Variants in DLGAP2 observed in about 807,000 individuals in gnomAD.
The protein encoded by DLGAP2 is disks large-associated protein 2.
In DLGAP2, 26 loss-of-function variants were observed where a neutral mutation model predicts 100.3. The observed-to-expected ratio is 0.26, with a 90% CI of 0.19 to 0.36. The LOEUF is 0.36. Among genes scored for constraint, DLGAP2 ranks in the 10% least tolerant of loss-of-function variants. The pLI, the probability that DLGAP2 is intolerant of heterozygous loss-of-function variation, is 1.00. For missense variants in DLGAP2, 1,858 were observed against 1,453.2 expected, an observed-to-expected ratio of 1.28 and a Z score of -4.53; for synonymous variants, 886 against 630.1, an observed-to-expected ratio of 1.41 and a Z score of -6.08.
chr8:1,294,512 T>A (rs1800127390), intron 3 of DLGAP2, among the ~76,000 whole-genome samples: 1 of 152,186 alleles, frequency 6.6e-6, no homozygotes, highest in Admixed American at 6.5e-5. Flanking sequence ...GAGGTGCATT[T>A]CTCTCCTGCG....
chr8:1,320,616 A>G lies in DLGAP2; in HGVS notation c.106+61733A>G, dbSNP rs146226545. 7.2e-3 allele frequency among the ~76,000 whole-genome samples: 1,098 copies of G among 152,218 alleles called. 6 individuals are homozygous for G. The highest frequency in any genetic ancestry group is 0.044 in the Middle Eastern group (13 of 294). On this transcript the variant is annotated intron_variant, in intron 3 of 14. Coordinates refer to ENST00000637795, the MANE Select transcript of DLGAP2 (RefSeq NM_001346810.2). The stretch of plus-strand genomic sequence containing the variant: ...TCTCTCAACTTCTCGAACATATTCT[A>G]AGTTCTGGTCATATGGGACTAATTG...
chr8:1,326,854 A>G (rs1185000714), intron 3 of DLGAP2, among the ~76,000 whole-genome samples: 1 of 152,218 alleles, frequency 6.6e-6, no homozygotes, highest in Non-Finnish European at 1.5e-5. Context: ...TTGGTGTTGT[A>G]GTATATGTTG....
intron 2 of DLGAP2, among the ~76,000 whole-genome samples, chr8:912,386 G>A (rs1162347819): frequency 1.3e-5 from 2 of 152,174 alleles, no homozygotes; most frequent in Non-Finnish European, 2.9e-5. Flanking sequence ...ATACGTAATG[G>A]AAACTCCTGA....
intron 2 of DLGAP2, among the ~76,000 whole-genome samples, chr8:1,237,682 ATGG>A: frequency 8.4e-6 from 1 of 118,532 alleles, no homozygotes; most frequent in East Asian, 2.9e-4. Flanking sequence ...TCTCTCTCAC[ATGG>A]CACCGTGTCT....
chr8:1,411,997 G>A (rs1796744033), intron 3 of DLGAP2, among the ~76,000 whole-genome samples: 2 of 152,318 alleles, frequency 1.3e-5, no homozygotes, highest in South Asian at 4.1e-4. Context: ...GGCTCTGGAA[G>A]ACACAGATGC....
At chr8:1,174,150 T>C (rs1797198218) in intron 2 of DLGAP2, among the ~76,000 whole-genome samples, 1 of 152,046 alleles carries the variant, frequency 6.6e-6, no homozygotes, top group Non-Finnish European at 1.5e-5. Flanking sequence ...TGGAACTGGG[T>C]ATTGAAGGGT....
intron 3 of DLGAP2, among the ~76,000 whole-genome samples, chr8:1,354,284 T>C (rs1208820061): frequency 6.6e-6 from 1 of 152,158 alleles, no homozygotes; most frequent in East Asian, 1.9e-4. Flanking sequence ...GACGGGTGGA[T>C]TGCCTGAGGC....
intron 1 of DLGAP2, among the ~76,000 whole-genome samples, chr8:805,065 C>T (rs1353270058): frequency 6.6e-6 from 1 of 152,236 alleles, no homozygotes; most frequent in Non-Finnish European, 1.5e-5. Context: ...GCTACTGCTC[C>T]TGGCCTCTGC....
intron 3 of DLGAP2, among the ~76,000 whole-genome samples, chr8:1,342,888 C>T (rs1256015043): frequency 3.3e-5 from 5 of 152,198 alleles, no homozygotes; most frequent in Admixed American, 1.3e-4. Flanking sequence ...TTCTAAACTG[C>T]TTTCTGCCGT....
At chr8:1,664,457 C>G (rs920186276) in intron 8 of DLGAP2, among the ~76,000 whole-genome samples, 5 of 152,284 alleles carry the variant, frequency 3.3e-5, no homozygotes, top group Admixed American at 3.3e-4. Context: ...TCAGGACGGC[C>G]TTTTCAGTGT....
At chr8:1,654,100 C>G (rs944012715) in intron 8 of DLGAP2, among the ~76,000 whole-genome samples, 1 of 152,160 alleles carries the variant, frequency 6.6e-6, no homozygotes, top group Non-Finnish European at 1.5e-5. Context: ...AATTAGCCCT[C>G]CCTTGAAATC....
intron 1 of DLGAP2, among the ~76,000 whole-genome samples, chr8:779,997 T>A (rs904933366): frequency 3.3e-5 from 5 of 152,212 alleles, no homozygotes; most frequent in Admixed American, 2.6e-4. Flanking sequence ...ACTTACCATT[T>A]TTTCTTTTTA....
chr8:1,275,933 TATAA>T (rs1164772546), intron 3 of DLGAP2, among the ~76,000 whole-genome samples: 19 of 126,658 alleles, frequency 1.5e-4, no homozygotes, highest in Non-Finnish European at 2.7e-4. Flanking sequence ...ATATATAGTA[TATAA>T]ATATATATAA....
intron 4 of DLGAP2, among the ~76,000 whole-genome samples, chr8:1,542,767 A>G (rs1328034342): frequency 6.6e-6 from 1 of 152,140 alleles, no homozygotes; most frequent in African/African-American, 2.4e-5. Flanking sequence ...GAGTAGACTC[A>G]CTGGGGCTTT....
At chr8:928,290 G>A (rs1048403333) in intron 2 of DLGAP2, among the ~76,000 whole-genome samples, 3 of 152,168 alleles carry the variant, frequency 2.0e-5, no homozygotes, top group Non-Finnish European at 4.4e-5. Flanking sequence ...TACCGAGGTT[G>A]AGTGTGTGTT....
intron 2 of DLGAP2, among the ~76,000 whole-genome samples, chr8:1,139,451 T>C (rs922929921): frequency 6.6e-6 from 1 of 152,202 alleles, no homozygotes; most frequent in Non-Finnish European, 1.5e-5. Context: ...GGCTCACAGA[T>C]AACACCCTCT....
chr8:1,304,401 G>A (rs1224738323), intron 3 of DLGAP2, among the ~76,000 whole-genome samples: 3 of 152,210 alleles, frequency 2.0e-5, no homozygotes, highest in African/African-American at 7.2e-5. Flanking sequence ...CAGGTTTCAC[G>A]TATGCAGAAA....
At chr8:1,420,139 C>T (rs1200737306) in intron 3 of DLGAP2, among the ~76,000 whole-genome samples, 1 of 152,152 alleles carries the variant, frequency 6.6e-6, no homozygotes, top group Non-Finnish European at 1.5e-5. Flanking sequence ...GCTGGAAGTT[C>T]CAATCCTCTA....
At chr8:1,572,432 T>C (rs1243927228) in intron 6 of DLGAP2, among the ~76,000 whole-genome samples, 1 of 110,228 alleles carries the variant, frequency 9.1e-6, no homozygotes, top group African/African-American at 3.7e-5. Flanking sequence ...TCTGCTGGAA[T>C]AGAGACGAGA....
Sources: allele counts gnomAD v4.1 joint callset (sites outside exome capture counted in the v4.1 genomes callset), GRCh38; gene constraint gnomAD v4.1.1; transcripts MANE v1.5; gene names NCBI Gene and HGNC (gene_info 2026-07-23, HGNC 2026-07-21).